SLC7A8: variants seen among roughly 807,000 people sequenced by gnomAD.
SLC7A8 encodes large neutral amino acids transporter small subunit 2.
SLC7A8 carries 30 observed loss-of-function variants against 51.2 expected under a neutral mutation model. The ratio of observed to expected loss-of-function variants is 0.59; its 90% confidence interval spans 0.44 to 0.80. The LOEUF is 0.80. SLC7A8 is among the 30% of genes least tolerant of loss of function. The pLI is 0.00. For synonymous variants in SLC7A8, 257 were observed against 275.8 expected, an observed-to-expected ratio of 0.93 and a Z score of 0.67; for missense variants, 612 against 674.4, an observed-to-expected ratio of 0.91 and a Z score of 1.03.
At chr14:23,154,534 G>C (rs1338593368) in intron 3 of SLC7A8, 1 of 960,126 alleles carries the variant, frequency 1.0e-6, no homozygotes, top group Admixed American at 6.2e-5. Context: ...TTCTAATTGT[G>C]GAAAAGCCGC....
intron 7 of SLC7A8, 75 bp downstream of exon 7, chr14:23,137,846 A>C: frequency 6.4e-7 from 1 of 1,565,430 alleles, no homozygotes; most frequent in South Asian, 1.1e-5. Context: ...TGACAGAGAC[A>C]AGCCCACCAT....
At chr14:23,138,324 C>T in intron 6 of SLC7A8, 1 of 299,842 alleles carries the variant, frequency 3.3e-6, no homozygotes, top group Non-Finnish European at 6.3e-6. Flanking sequence ...AGTAGCTTGC[C>T]TAAGATTACA....
intron 7 of SLC7A8, among the ~76,000 whole-genome samples, chr14:23,135,430 C>T (rs908317241): frequency 1.4e-5 from 2 of 146,076 alleles, no homozygotes; most frequent in African/African-American, 2.5e-5. Flanking sequence ...AGGCCAGGTG[C>T]GGTGGCTCAC....
intron 1 of SLC7A8, among the ~76,000 whole-genome samples, chr14:23,176,059 G>A (rs866247403): frequency 1.3e-5 from 2 of 152,170 alleles, no homozygotes; most frequent in African/African-American, 4.8e-5. Context: ...TTTTGTGTGA[G>A]TGTATTTGTA....
rs139830436 is a variant in SLC7A8 at position 23,135,868 on chromosome 14, T to C, written c.1016+2053A>G. ...CTTGAAAATATGTACATCTATTATA[T>C]ACATATGAATATGAAACTTGAACAT... On this transcript the variant is annotated intron_variant, in intron 7 of 10. Coordinates refer to ENST00000316902, the MANE Select transcript of SLC7A8 (RefSeq NM_012244.4). Among the ~76,000 whole-genome samples the C allele has an allele frequency of 7.9e-5, 12 of 152,312 alleles. No individual in the cohort carries two copies. The East Asian group carries it at 9.6e-4, about 12-fold the overall frequency.
intron 1 of SLC7A8, among the ~76,000 whole-genome samples, chr14:23,178,224 A>G (rs1420761598): frequency 6.6e-6 from 1 of 152,224 alleles, no homozygotes; most frequent in African/African-American, 2.4e-5. Context: ...TATTAACAGT[A>G]GCTCTGGTAT....
In SLC7A8 at chr14:23,143,133, T is replaced by G; in HGVS notation, c.580A>C (p.Lys194Gln). 4 of 1,614,120 alleles carry G rather than the reference T, an allele frequency of 2.5e-6. No individual in the cohort carries two copies. Among genetic ancestry groups the G allele is most frequent in the Non-Finnish European group, 3.4e-6 (4 of 1,180,030 alleles). ...ATAATCAGGGCCAAGGCCAGGAGCT[T>G]CCCAGCTGTGAAGATGTCTTGAACC... ...TRVQDIFTAG[K>Q]LLALALIIIM... The change falls in exon 4 of 11, where the codon AAG becomes CAG. Residue 194 changes from lysine to glutamine, a missense_variant. Coordinates refer to ENST00000316902, the MANE Select transcript of SLC7A8 (RefSeq NM_012244.4).
chr14:23,162,880 G>A (rs538338692), intron 3 of SLC7A8, among the ~76,000 whole-genome samples: 10 of 152,214 alleles, frequency 6.6e-5, no homozygotes, highest in East Asian at 1.9e-4. Flanking sequence ...GAACAGCCTC[G>A]GGGGTTCTTG....
intron 1 of SLC7A8, among the ~76,000 whole-genome samples, chr14:23,171,530 TAC>T (rs373063352): frequency 1.3e-5 from 2 of 152,326 alleles, no homozygotes; most frequent in African/African-American, 4.8e-5. Context: ...GGCATAGAAT[TAC>T]AGAGTTCTGA....
intron 1 of SLC7A8, 113 bp downstream of exon 1, chr14:23,182,651 G>A: frequency 8.0e-7 from 1 of 1,250,448 alleles, no homozygotes; most frequent in Non-Finnish European, 1.1e-6. Flanking sequence ...TCAGGTGACT[G>A]ACAATCCTTT....
intron 3 of SLC7A8, among the ~76,000 whole-genome samples, chr14:23,148,332 G>A (rs915964730): frequency 1.3e-5 from 2 of 152,072 alleles, no homozygotes; most frequent in Non-Finnish European, 2.9e-5. Context: ...ATGTTAAAAC[G>A]ATTCTCCTGC....
rs1198971429 is a variant in SLC7A8, at chr14:23,182,952, C to T, written c.-38G>A. The T allele has an allele frequency of 5.6e-6, 9 of 1,613,580 alleles. No homozygotes were observed. Among genetic ancestry groups the T allele is most frequent in the Non-Finnish European group, 7.6e-6 (9 of 1,179,782 alleles). On this transcript the variant is annotated 5_prime_UTR_variant, in exon 1 of 11. Coordinates refer to ENST00000316902, the MANE Select transcript of SLC7A8 (RefSeq NM_012244.4). ...GATTGCAACCTCAAAAGCTGCCTCC[C>T]TTTCTAAATGCGTATTCGTGTAAAT...
chr14:23,175,315 T>G (rs2048994111), intron 1 of SLC7A8, among the ~76,000 whole-genome samples: 1 of 152,142 alleles, frequency 6.6e-6, no homozygotes, highest in Non-Finnish European at 1.5e-5. Context: ...TTCAAGCAAT[T>G]CTCGTGCCTC....
intron 6 of SLC7A8, 38 bp from the exon 7 acceptor site, chr14:23,138,062 C>G: frequency 2.5e-6 from 4 of 1,610,960 alleles, no homozygotes; most frequent in Non-Finnish European, 3.4e-6. Flanking sequence ...AAGGAGAGGT[C>G]ACCACTCCCC....
chr14:23,166,612 G>C, intron 1 of SLC7A8, 72 bp from the exon 2 acceptor site: 1 of 1,512,332 alleles, frequency 6.6e-7, no homozygotes. Flanking sequence ...GCATTTGGAG[G>C]GTGGTCTCAT....
chr14:23,144,341 A>AATTTTTTTTTT (rs375223021), intron 3 of SLC7A8, among the ~76,000 whole-genome samples: 3 of 114,356 alleles, frequency 2.6e-5, no homozygotes, highest in African/African-American at 3.1e-5. Flanking sequence ...TTTAAACACA[A>AATTTTTTTTTT]TTTTTTTTTT....
Position 23,139,385 on chromosome 14 carries a change from G to A in SLC7A8, c.912+39C>T, listed in dbSNP as rs937641122. 2.5e-6 allele frequency: 4 copies of A among 1,612,814 alleles called. No homozygotes were observed. In the African/African-American group the frequency reaches 5.3e-5, roughly 22 times the overall value. Reference sequence around the variant, plus strand: ...GGCTACAGCAGGCAAGTCTATGTCTGCATTCCTGGTATGAGACTCTGGGAC... The same window carrying A: ...GGCTACAGCAGGCAAGTCTATGTCTACATTCCTGGTATGAGACTCTGGGAC... On this transcript the variant is annotated intron_variant, in intron 6 of 10. Transcript: ENST00000316902.
chr14:23,129,933 A>G (rs1342230248), intron 8 of SLC7A8, 134 bp from the exon 9 acceptor site: 5 of 919,530 alleles, frequency 5.4e-6, no homozygotes, highest in Non-Finnish European at 8.3e-6. Context: ...GAGACTTTAG[A>G]ACCTCCCCTA....
At chr14:23,129,929 T>C (rs1437225556) in intron 8 of SLC7A8, 130 bp from the exon 9 acceptor site, 129 of 981,906 alleles carry the variant, frequency 1.3e-4, no homozygotes, top group Non-Finnish European at 7.6e-6. Flanking sequence ...AATGGAGACT[T>C]TAGAACCTCC....
Sources: allele counts gnomAD v4.1 joint callset (sites outside exome capture counted in the v4.1 genomes callset), GRCh38; gene constraint gnomAD v4.1.1; transcripts MANE v1.5; gene names NCBI Gene and HGNC (gene_info 2026-07-23, HGNC 2026-07-21).